PYGB: variants seen among roughly 807,000 people sequenced by gnomAD.
PYGB encodes glycogen phosphorylase B.
PYGB carries 82 observed loss-of-function variants against 94.3 expected under a neutral mutation model. The observed-to-expected ratio is 0.87, with a 90% CI of 0.73 to 1.04. The LOEUF (loss-of-function observed/expected upper bound fraction) is 1.04. Ranked by LOEUF, PYGB falls within the 50% of genes least tolerant of loss-of-function variation. The pLI is 0.00. For synonymous variants in PYGB, 488 were observed against 479.1 expected, an observed-to-expected ratio of 1.02 and a Z score of -0.24; for missense variants, 1,132 against 1,158.2, an observed-to-expected ratio of 0.98 and a Z score of 0.33.
chr20:25,281,234 G>T, intron 11 of PYGB, 122 bp downstream of exon 11: 1 of 1,315,860 alleles, frequency 7.6e-7, no homozygotes, highest in Non-Finnish European at 1.0e-6. Flanking sequence ...CTAGGCCCCT[G>T]CCTCCATAGG....
Position 25,248,184 on chromosome 20 carries a change from G to T in PYGB, c.6G>T (p.Ala2=). 5 of 1,590,280 alleles carry T rather than the reference G, an allele frequency of 3.1e-6. No homozygotes were observed. The highest frequency in any genetic ancestry group is 4.3e-6 in the Non-Finnish European group (5 of 1,168,858). Residue 2 remains alanine (A), a synonymous_variant, in exon 1 of 20, where the codon GCG becomes GCT. Coordinates refer to ENST00000216962, the MANE Select transcript of PYGB (RefSeq NM_002862.4). M[A]KPLTDSEKRK... ...CCTCCGCCTCCGCCGGCGCGATGGC[G>T]AAGCCGCTGACGGACAGCGAGAAGC...
chr20:25,286,025 C>G (rs1279107444), intron 14 of PYGB, among the ~76,000 whole-genome samples: 1 of 152,226 alleles, frequency 6.6e-6, no homozygotes, highest in Non-Finnish European at 1.5e-5. Flanking sequence ...CTTTTTAGGG[C>G]CCTACCGGGC....
At chr20:25,285,634 C>G (rs2088411329) in intron 14 of PYGB, 1 of 152,116 alleles carries the variant, frequency 6.6e-6, no homozygotes, top group Non-Finnish European at 1.5e-5. Flanking sequence ...CTGGTCTTCC[C>G]CCTTGCTCCA....
intron 16 of PYGB, among the ~76,000 whole-genome samples, chr20:25,291,668 G>A (rs901510605): frequency 1.3e-5 from 2 of 152,010 alleles, no homozygotes; most frequent in Non-Finnish European, 2.9e-5. Context: ...CCCCCGTGCT[G>A]CCTGAGGCTC....
chr20:25,286,647 C>T (rs937418443), intron 14 of PYGB, among the ~76,000 whole-genome samples: 2 of 152,172 alleles, frequency 1.3e-5, no homozygotes, highest in South Asian at 2.1e-4. Flanking sequence ...CCTGTGGCTG[C>T]GCCTCTGCTG....
chr20:25,296,245 C>T, intron 19 of PYGB, 125 bp from the exon 20 acceptor site: 1 of 1,200,950 alleles, frequency 8.3e-7, no homozygotes, highest in Admixed American at 2.0e-5. Flanking sequence ...ATGTCCTCCT[C>T]TTCCAGCGGA....
intron 12 of PYGB, among the ~76,000 whole-genome samples, 177 bp from the exon 13 acceptor site, chr20:25,282,999 A>AG (rs1251067021): frequency 2.6e-5 from 4 of 152,082 alleles, no homozygotes; most frequent in Non-Finnish European, 5.9e-5. Context: ...CAGAAGAGGA[A>AG]GGAGGGGCTG....
intron 3 of PYGB, among the ~76,000 whole-genome samples, chr20:25,270,058 C>A (rs1030078957): frequency 6.6e-6 from 1 of 152,136 alleles, no homozygotes; most frequent in South Asian, 2.1e-4. Context: ...AACAAGAGTC[C>A]GCGAGGCTCC....
chr20:25,256,623 G>A (rs1374429863), intron 1 of PYGB, among the ~76,000 whole-genome samples: 1 of 152,246 alleles, frequency 6.6e-6, no homozygotes, highest in Non-Finnish European at 1.5e-5. Context: ...CCAGGCGGCA[G>A]GGCCTCCTTA....
intron 1 of PYGB, among the ~76,000 whole-genome samples, chr20:25,253,899 C>G (rs746104670): frequency 6.6e-6 from 1 of 151,732 alleles, no homozygotes; most frequent in Non-Finnish European, 1.5e-5. Context: ...AGGTGAAACC[C>G]CTTCTTTACT....
chr20:25,295,511 G>A, intron 18 of PYGB, 93 bp from the exon 19 acceptor site: 1 of 1,410,844 alleles, frequency 7.1e-7, no homozygotes, highest in Non-Finnish European at 1.0e-6. Flanking sequence ...CCAGGTGGAT[G>A]GTGCCTGGCC....
At chr20:25,272,181 G>T (rs940218401) in intron 4 of PYGB, among the ~76,000 whole-genome samples, 1 of 152,220 alleles carries the variant, frequency 6.6e-6, no homozygotes, top group African/African-American at 2.4e-5. Context: ...GTTAGAAAAT[G>T]GTTTATTTAA....
intron 2 of PYGB, among the ~76,000 whole-genome samples, chr20:25,268,255 C>G (rs889953282): frequency 4.3e-5 from 6 of 138,906 alleles, no homozygotes; most frequent in African/African-American, 1.6e-4. Context: ...GAAATTTTAC[C>G]CTGAATCAAA....
At chr20:25,258,552 G>A (rs1375631702) in intron 1 of PYGB, among the ~76,000 whole-genome samples, 1 of 152,206 alleles carries the variant, frequency 6.6e-6, no homozygotes, top group Admixed American at 6.5e-5. Flanking sequence ...CCCGTGGATG[G>A]CCATGAGAAG....
chr20:25,256,963 C>T (rs2092903909), intron 1 of PYGB, among the ~76,000 whole-genome samples: 1 of 152,168 alleles, frequency 6.6e-6, no homozygotes, highest in Non-Finnish European at 1.5e-5. Flanking sequence ...TGCCTGAGTC[C>T]TAGCCTAGCC....
rs545075198 is a variant in PYGB at position 25,294,362 on chromosome 20, G to A, written c.2312+70G>A. On this transcript the variant is annotated intron_variant, in intron 18 of 19. Coordinates refer to ENST00000216962, the MANE Select transcript of PYGB (RefSeq NM_002862.4). ...AGGGAGGGGTCCTCTTCGTGGGTTG[G>A]ATATTCCACCTTGTTTGGAGAGCAA... is the stretch of plus-strand genomic sequence containing the variant. 8.6e-5 allele frequency: 129 copies of A among 1,495,306 alleles called. No homozygotes were observed. In the African/African-American group the frequency reaches 9.5e-4, roughly 11 times the overall value. 92.6% of individuals were successfully genotyped at this position (1,495,306 alleles called of 1,614,324 possible). A position where few individuals can be genotyped will look rare whatever the true frequency, so the allele number is the denominator to read the frequency against.
chr20:25,288,672 TGC>T, intron 15 of PYGB, 189 bp downstream of exon 15: 1 of 660,792 alleles, frequency 1.5e-6, no homozygotes, highest in South Asian at 2.0e-5. Context: ...GGAAGCCTCC[TGC>T]CTGCCCAGCT....
intron 11 of PYGB, 73 bp from the exon 12 acceptor site, chr20:25,281,960 G>GT: frequency 7.7e-7 from 1 of 1,297,090 alleles, no homozygotes; most frequent in Non-Finnish European, 1.1e-6. Flanking sequence ...TCCTTAAAAG[G>GT]ACTTTAAGGT....
intron 15 of PYGB, among the ~76,000 whole-genome samples, chr20:25,290,162 TTC>T (rs879502850): frequency 5.9e-5 from 9 of 152,260 alleles, no homozygotes; most frequent in Admixed American, 6.5e-5. Flanking sequence ...CTAGGGACAG[TTC>T]TCTGTTTCCT....
Sources: gnomAD v4.1 joint callset for allele counts (sites outside exome capture counted in the v4.1 genomes callset) on GRCh38, gnomAD v4.1.1 for gene constraint, MANE v1.5 for transcripts, NCBI Gene and HGNC (gene_info 2026-07-23, HGNC 2026-07-21) for gene names.